The following COL23A1 variants were observed in gnomAD, a reference collection of about 807,000 sequenced individuals.
COL23A1 encodes the protein collagen type XXIII alpha 1 chain.
A neutral mutation model predicts 99.3 loss-of-function variants in COL23A1; 97 were observed. That is an observed-to-expected ratio of 0.98 (90% CI 0.83 to 1.16). The LOEUF is 1.16. Among genes scored for constraint, COL23A1 ranks in the 50% most tolerant of loss-of-function variants. The probability of loss-of-function intolerance (pLI) is 0.00; values close to 1 mark genes in which losing one functional copy is unlikely to be tolerated. For missense variants in COL23A1, 762 were observed against 757.4 expected, an observed-to-expected ratio of 1.01 and a Z score of -0.07; for synonymous variants, 320 against 308.2, an observed-to-expected ratio of 1.04 and a Z score of -0.40.
intron 2 of COL23A1, among the ~76,000 whole-genome samples, chr5:178,512,422 A>T (rs1759256606): frequency 6.6e-6 from 1 of 152,212 alleles, no homozygotes. Context: ...ACTTTCCTGA[A>T]CCAGATATAT....
At chr5:178,528,340 C>G (rs1760437004) in intron 2 of COL23A1, among the ~76,000 whole-genome samples, 2 of 152,224 alleles carry the variant, frequency 1.3e-5, no homozygotes, top group South Asian at 4.1e-4. Context: ...CCGCTGCCCC[C>G]TTTTCTGCTA....
At position 178,306,901 on chromosome 5, in the gene COL23A1, C is replaced by T. The variant is rs920493504; in HGVS notation, c.380G>A (p.Gly127Asp). The stretch of plus-strand genomic sequence containing the variant: ...AGGGTCGCCTCTTCTCCCAGGCTTG[C>T]CGCGCCGTCCAGGGGGCCCTAGACA... ...VCPPGPPGRR[G>D]KPGRRGDPGP... The change falls in exon 3 of 29, where the codon GGC (glycine) becomes GAC (aspartate). Residue 127 changes from glycine to aspartate, a missense_variant. Coordinates refer to ENST00000390654, the MANE Select transcript of COL23A1 (RefSeq NM_173465.4). The surrounding 1 kb of genome is among the most constrained non-coding windows in gnomAD (Gnocchi z 4.1). 2.6e-6 allele frequency: 4 copies of T among 1,546,628 alleles called. No individual in the cohort carries two copies. The highest frequency in any genetic ancestry group is 2.6e-6 in the Non-Finnish European group (3 of 1,146,368).
intron 2 of COL23A1, among the ~76,000 whole-genome samples, chr5:178,324,374 T>C (rs1385480567): frequency 6.6e-6 from 1 of 152,170 alleles, no homozygotes; most frequent in Admixed American, 6.5e-5. Context: ...CACCGTGCTG[T>C]GTTGTCTTTT....
chr5:178,241,929 G>T, intron 27 of COL23A1, 113 bp downstream of exon 27: 2 of 755,402 alleles, frequency 2.6e-6, no homozygotes, highest in South Asian at 1.7e-5. Context: ...GCCAGTGCGT[G>T]ACCAGTGGGG....
chr5:178,496,172 C>G (rs146584335), intron 2 of COL23A1, among the ~76,000 whole-genome samples: 1 of 152,298 alleles, frequency 6.6e-6, no homozygotes, highest in African/African-American at 2.4e-5. Flanking sequence ...GATTAAAATA[C>G]CGACCCCCTT....
intron 2 of COL23A1, among the ~76,000 whole-genome samples, chr5:178,327,102 C>A (rs898291882): frequency 6.6e-6 from 1 of 152,214 alleles, no homozygotes; most frequent in South Asian, 2.1e-4. Flanking sequence ...ATTGGTTCAT[C>A]CATTCATCCA....
chr5:178,409,646 T>C (rs985782800), intron 2 of COL23A1, among the ~76,000 whole-genome samples: 11 of 152,328 alleles, frequency 7.2e-5, no homozygotes, highest in South Asian at 4.1e-4. Flanking sequence ...TGTGAATCCA[T>C]AGTTATTTGA....
intron 2 of COL23A1, among the ~76,000 whole-genome samples, chr5:178,370,801 G>A (rs930973184): frequency 2.0e-5 from 3 of 152,178 alleles, no homozygotes; most frequent in Middle Eastern, 3.2e-3. Flanking sequence ...TATTAGCCCA[G>A]CGTGGTGGTG....
chr5:178,274,676 G>C lies in COL23A1; in HGVS notation c.442-4313C>G, dbSNP rs578146663. ...TCCTCTCCCAGCATCTCCCACAGAA[G>C]GAGTGGGAAGGAAAGTAGCTCGGGG... On this transcript the variant is annotated intron_variant, in intron 5 of 28. Transcript: ENST00000390654. Among the ~76,000 whole-genome samples the C allele has an allele frequency of 1.5e-3, 227 of 152,272 alleles. 2 individuals are homozygous for C. Among genetic ancestry groups the C allele is most frequent in the Non-Finnish European group, 3.8e-4 (26 of 68,012 alleles).
chr5:178,520,948 T>TC (rs1332163426), intron 2 of COL23A1, among the ~76,000 whole-genome samples: 2 of 152,222 alleles, frequency 1.3e-5, no homozygotes, highest in Non-Finnish European at 2.9e-5. Context: ...GACAAATGTG[T>TC]CCTTAGGTGA....
intron 2 of COL23A1, among the ~76,000 whole-genome samples, chr5:178,509,517 G>A (rs951621891): frequency 6.6e-6 from 1 of 151,936 alleles, no homozygotes; most frequent in African/African-American, 2.4e-5. Flanking sequence ...CACCGTGCCC[G>A]GCCAGAACCT....
At chr5:178,476,529 G>A (rs978217659) in intron 2 of COL23A1, among the ~76,000 whole-genome samples, 5 of 152,082 alleles carry the variant, frequency 3.3e-5, no homozygotes, top group Admixed American at 6.6e-5. Context: ...GAGTAATACC[G>A]CATCATATCC....
At chr5:178,326,096 T>TC (rs1755721082) in intron 2 of COL23A1, among the ~76,000 whole-genome samples, 1 of 152,154 alleles carries the variant, frequency 6.6e-6, no homozygotes, top group Non-Finnish European at 1.5e-5. Context: ...CCATTTTTTT[T>TC]CCCAAGGATT....
At chr5:178,352,419 G>A (rs1350051040) in intron 2 of COL23A1, among the ~76,000 whole-genome samples, 2 of 152,226 alleles carry the variant, frequency 1.3e-5, no homozygotes, top group African/African-American at 4.8e-5. Flanking sequence ...AAGAATGAAC[G>A]TGGAGGAGGG....
chr5:178,302,246 CCT>C (rs1758101247), intron 3 of COL23A1, among the ~76,000 whole-genome samples: 1 of 107,982 alleles, frequency 9.3e-6, no homozygotes, highest in African/African-American at 3.3e-5. Context: ...CGTCAATCCA[CCT>C]CTGTGTGCGC....
intron 2 of COL23A1, among the ~76,000 whole-genome samples, chr5:178,339,205 T>C (rs1760516444): frequency 6.6e-6 from 1 of 152,192 alleles, no homozygotes; most frequent in Admixed American, 6.5e-5. Context: ...GTCTGGGTCC[T>C]TGGGGCCATA....
In COL23A1 at chr5:178,290,372, G is replaced by A; in HGVS notation, c.407-3C>T. 6.2e-7 allele frequency: 1 copy of A among 1,613,964 alleles called. No homozygotes were observed. Among genetic ancestry groups the A allele is most frequent in the Non-Finnish European group, 8.5e-7 (1 of 1,180,010 alleles). The stretch of plus-strand genomic sequence containing the variant: ...GTCCAGGACACTTACTGGAGGACCT[G>A]CAAAACACAAGCAGAGAAGCCACAG... On this transcript the variant is annotated splice_region_variant and splice_polypyrimidine_tract_variant and intron_variant, in intron 3 of 28. Transcript: ENST00000390654.
At chr5:178,561,683 A>G (rs1271212902) in intron 1 of COL23A1, among the ~76,000 whole-genome samples, 1 of 152,232 alleles carries the variant, frequency 6.6e-6, no homozygotes, top group African/African-American at 2.4e-5. Flanking sequence ...TCTAGGGGAA[A>G]AAAAAATCCC....
chr5:178,327,204 A>C (rs935812907), intron 2 of COL23A1, among the ~76,000 whole-genome samples: 1 of 152,226 alleles, frequency 6.6e-6, no homozygotes, highest in Non-Finnish European at 1.5e-5. Context: ...AGGTACTGGG[A>C]TACTTCGGTG....
Sources: allele counts gnomAD v4.1 joint callset (sites outside exome capture counted in the v4.1 genomes callset), GRCh38; gene constraint gnomAD v4.1.1; non-coding constraint Gnocchi (gnomAD v3.1); transcripts MANE v1.5; gene names NCBI Gene and HGNC (gene_info 2026-07-23, HGNC 2026-07-21).